Variants in HPSE2 observed in about 807,000 individuals in gnomAD.
The protein encoded by HPSE2 is inactive heparanase-2.
A neutral mutation model predicts 60.5 loss-of-function variants in HPSE2; 38 were observed. That is an observed-to-expected ratio of 0.63 (90% confidence interval 0.48 to 0.82). The LOEUF (loss-of-function observed/expected upper bound fraction) is 0.82. Ranked by LOEUF, HPSE2 falls within the 40% of genes least tolerant of loss-of-function variation. The pLI is 0.00. For synonymous variants in HPSE2, 295 were observed against 293.2 expected, an observed-to-expected ratio of 1.01 and a Z score of -0.06; for missense variants, 713 against 740.4, an observed-to-expected ratio of 0.96 and a Z score of 0.43.
intron 3 of HPSE2, among the ~76,000 whole-genome samples, chr10:99,092,803 T>C (rs891304398): frequency 2.6e-5 from 4 of 152,176 alleles, no homozygotes; most frequent in African/African-American, 9.7e-5. Context: ...ACCTAGGACA[T>C]AGTAGACATC....
intron 2 of HPSE2, among the ~76,000 whole-genome samples, chr10:99,154,769 A>G (rs1301546024): frequency 6.6e-6 from 1 of 151,866 alleles, no homozygotes; most frequent in Non-Finnish European, 1.5e-5. Flanking sequence ...CTTTAAATGT[A>G]AAGGGACTAA....
At chr10:98,938,259 GAGA>G (rs1394013055) in intron 3 of HPSE2, among the ~76,000 whole-genome samples, 7 of 145,084 alleles carry the variant, frequency 4.8e-5, no homozygotes, top group Admixed American at 4.8e-4. Context: ...GACGAGTTGA[GAGA>G]AGAAGGCTTC....
rs985383241 is a variant in HPSE2 at position 98,869,813 on chromosome 10, T to C, written c.611-125757A>G. Reference sequence around the variant, plus strand: ...GTAATTTCTCTTTTCCTCTCAGCCATAGTTTCCTTCCGAAGTGTATTGAGA... The same window carrying C: ...GTAATTTCTCTTTTCCTCTCAGCCACAGTTTCCTTCCGAAGTGTATTGAGA... On this transcript the variant is annotated intron_variant, in intron 3 of 11. Transcript: ENST00000370552. Among the ~76,000 whole-genome samples, 12 of 152,262 alleles carry C rather than the reference T, an allele frequency of 7.9e-5. No homozygotes were observed. In the East Asian group the frequency reaches 1.9e-3, roughly 24 times the overall value.
At chr10:98,613,616 G>A (rs1460267358) in intron 9 of HPSE2, among the ~76,000 whole-genome samples, 1 of 152,210 alleles carries the variant, frequency 6.6e-6, no homozygotes, top group African/African-American at 2.4e-5. Flanking sequence ...GCAAGTGGTA[G>A]GAATGCTCAC....
At chr10:98,530,208 T>C (rs1362089751) in intron 9 of HPSE2, among the ~76,000 whole-genome samples, 1 of 152,166 alleles carries the variant, frequency 6.6e-6, no homozygotes, top group Non-Finnish European at 1.5e-5. Context: ...GGGTTTGCGC[T>C]CTCTCCTGCT....
chr10:98,889,207 A>G (rs879929487), intron 3 of HPSE2, among the ~76,000 whole-genome samples: 60 of 151,568 alleles, frequency 4.0e-4, no homozygotes, highest in Non-Finnish European at 6.2e-4. Context: ...AACTTTATTT[A>G]TTTATTTATT....
rs755882707 is a variant in HPSE2 at position 98,737,303 on chromosome 10, C to T, written c.784+6580G>A. Among the ~76,000 whole-genome samples, 52 of 95,060 alleles carry T rather than the reference C, an allele frequency of 5.5e-4. 9 individuals are homozygous for T. Among genetic ancestry groups the T allele is most frequent in the Non-Finnish European group, 8.1e-4 (37 of 45,446 alleles). The allele number at this position is 95,060 out of a possible 152,430, so 62.4% of individuals were successfully genotyped here. A position where few individuals can be genotyped will look rare whatever the true frequency, so the allele number is the denominator to read the frequency against. ...AACATAAAGGAACATAAATGCAATT[C>T]CCTGGCAAGATGGCCAAATAGGAAC... On this transcript the variant is annotated intron_variant, in intron 4 of 11. Transcript: ENST00000370552.
intron 3 of HPSE2, among the ~76,000 whole-genome samples, chr10:98,895,646 T>G (rs1282969494): frequency 6.6e-6 from 1 of 151,996 alleles, no homozygotes; most frequent in African/African-American, 2.4e-5. Flanking sequence ...GTATGTTTAT[T>G]GCGGCACTAT....
At chr10:99,006,545 A>G (rs1289116998) in intron 3 of HPSE2, among the ~76,000 whole-genome samples, 1 of 151,970 alleles carries the variant, frequency 6.6e-6, no homozygotes, top group Non-Finnish European at 1.5e-5. Context: ...TCCAAAATCT[A>G]GGGCAGAACT....
chr10:99,112,962 CAT>C (rs34870126), intron 3 of HPSE2, among the ~76,000 whole-genome samples: 70,921 of 151,626 alleles, frequency 0.47, 19,045 homozygotes, highest in Non-Finnish European at 0.61. Flanking sequence ...CACACACACA[CAT>C]ATACACATGC....
Position 98,939,360 on chromosome 10 carries a change from T to C in HPSE2, c.611-195304A>G, listed in dbSNP as rs1459400118. On this transcript the variant is annotated intron_variant, in intron 3 of 11. Coordinates refer to ENST00000370552, the MANE Select transcript of HPSE2 (RefSeq NM_021828.5). ...TCCATCTCACGTGCAGAGACACACA[T>C]AGGCTCAAAATAAAAGGATGGAGGA... Among the ~76,000 whole-genome samples the C allele has an allele frequency of 3.5e-5, 5 of 143,202 alleles. 2 individuals are homozygous for C. Among genetic ancestry groups the C allele is most frequent in the African/African-American group, 5.7e-5 (2 of 34,956 alleles). The allele number at this position is 143,202 out of a possible 152,430, so 93.9% of individuals were successfully genotyped here. A position where few individuals can be genotyped will look rare whatever the true frequency, so the allele number is the denominator to read the frequency against.
chr10:99,125,100 AT>A (rs1164147035), intron 3 of HPSE2, among the ~76,000 whole-genome samples: 1 of 152,234 alleles, frequency 6.6e-6, no homozygotes, highest in Non-Finnish European at 1.5e-5. Context: ...TTGATTACCC[AT>A]GCCCCCAATC....
At chr10:98,619,854 AT>A (rs1176638781) in intron 8 of HPSE2, among the ~76,000 whole-genome samples, 2 of 152,052 alleles carry the variant, frequency 1.3e-5, no homozygotes, top group Non-Finnish European at 2.9e-5. Context: ...CATGTCTGTC[AT>A]TTTTCTTTTG....
At chr10:98,702,488 C>T (rs972990080) in intron 5 of HPSE2, among the ~76,000 whole-genome samples, 2 of 151,924 alleles carry the variant, frequency 1.3e-5, no homozygotes, top group African/African-American at 4.8e-5. Flanking sequence ...AACTCTCCAC[C>T]ACAAGTCAAC....
At position 98,509,481 on chromosome 10, in the gene HPSE2, A is replaced by G. The variant is rs554725354; in HGVS notation, c.1321-19285T>C. Among the ~76,000 whole-genome samples the G allele has an allele frequency of 7.2e-5, 11 of 152,226 alleles. No homozygotes were observed. In the South Asian group the frequency reaches 2.3e-3, roughly 32 times the overall value. On this transcript the variant is annotated intron_variant, in intron 9 of 11. Transcript: ENST00000370552. ...TTGACTGGATATACAGAATGAGCATAAAACAGGATTCATAGCTTTTTTTTT... is the reference window on the plus strand; with the variant it reads ...TTGACTGGATATACAGAATGAGCATGAAACAGGATTCATAGCTTTTTTTTT...
chr10:99,220,515 G>C (rs1220318662), intron 2 of HPSE2, among the ~76,000 whole-genome samples: 1 of 152,076 alleles, frequency 6.6e-6, no homozygotes, highest in East Asian at 1.9e-4. Flanking sequence ...AGTAGAACTG[G>C]GGATGGAGGC....
At chr10:99,095,494 C>G (rs1050246332) in intron 3 of HPSE2, among the ~76,000 whole-genome samples, 3 of 152,128 alleles carry the variant, frequency 2.0e-5, no homozygotes, top group African/African-American at 7.2e-5. Flanking sequence ...TCACCACATT[C>G]AATTTTAGAA....
intron 10 of HPSE2, among the ~76,000 whole-genome samples, chr10:98,483,163 AT>A (rs1941309157): frequency 6.6e-6 from 1 of 152,202 alleles, no homozygotes; most frequent in Non-Finnish European, 1.5e-5. Context: ...ATATGATAAT[AT>A]TTTGGCAAAC....
chr10:98,574,971 G>A (rs1347634821), intron 9 of HPSE2, among the ~76,000 whole-genome samples: 1 of 152,136 alleles, frequency 6.6e-6, no homozygotes, highest in Non-Finnish European at 1.5e-5. Context: ...AAGGGGGAAA[G>A]GGGGACATTT....
Sources: allele counts gnomAD v4.1 joint callset (sites outside exome capture counted in the v4.1 genomes callset), GRCh38; gene constraint gnomAD v4.1.1; transcripts MANE v1.5; gene names NCBI Gene and HGNC (gene_info 2026-07-23, HGNC 2026-07-21).